ITGB4: variants seen among roughly 807,000 people sequenced by gnomAD.
ITGB4 encodes the protein integrin beta-4.
A neutral mutation model predicts 207.6 loss-of-function variants in ITGB4; 159 were observed. That is an observed-to-expected ratio of 0.77 (90% CI 0.67 to 0.87). The LOEUF (loss-of-function observed/expected upper bound fraction) is 0.87. Ranked by LOEUF, ITGB4 falls within the 40% of genes least tolerant of loss-of-function variation. The pLI is 0.00. For missense variants in ITGB4, 2,278 were observed against 2,546.8 expected (o/e 0.89, Z 2.27); for synonymous variants, 1,020 against 1,062.7 (o/e 0.96, Z 0.78).
rs820175 is a variant in ITGB4 at position 75,735,964 on chromosome 17, T to C, written c.1658-87T>C. 959,696 of 1,264,800 alleles carry C rather than the reference T, an allele frequency of 0.76. 367,655 individuals are homozygous for C. Among genetic ancestry groups the C allele is most frequent in the Non-Finnish European group, 0.79 (687,797 of 871,378 alleles). 78.3% of individuals were successfully genotyped at this position (1,264,800 alleles called of 1,614,324 possible). On this transcript the variant is annotated intron_variant, in intron 13 of 39. Transcript: ENST00000200181. ...CGGCACCCTGGCTCCCACAGCTCTGTTCCCACAGGCCCTCCCTGCCAGGTG... is the reference window on the plus strand; with the variant it reads ...CGGCACCCTGGCTCCCACAGCTCTGCTCCCACAGGCCCTCCCTGCCAGGTG...
At chr17:75,743,608 G>A (rs1359798306) in intron 25 of ITGB4, 105 bp from the exon 26 acceptor site, 2 of 1,500,622 alleles carry the variant, frequency 1.3e-6, no homozygotes, top group Non-Finnish European at 1.9e-6. Flanking sequence ...AGGGAACCAA[G>A]CGGACTCCTG....
chr17:75,727,625 C>T lies in ITGB4; in HGVS notation c.265-26C>T. ...CGGGCCTCCGGAGTGACCCTCTAGC[C>T]AGCTGTCCCCTTCCACTGGCTGCAG... On this transcript the variant is annotated intron_variant, in intron 4 of 39. Coordinates refer to ENST00000200181, the MANE Select transcript of ITGB4 (RefSeq NM_000213.5). The surrounding 1 kb of genome is among the most constrained non-coding windows in gnomAD (Gnocchi z 6.0). 2 of 1,589,370 alleles carry T rather than the reference C, an allele frequency of 1.3e-6. No homozygotes were observed. Among genetic ancestry groups the T allele is most frequent in the Non-Finnish European group, 8.6e-7 (1 of 1,168,078 alleles).
chr17:75,752,400 G>A (rs776962649), intron 31 of ITGB4, 44 bp downstream of exon 31: 3 of 1,612,736 alleles, frequency 1.9e-6, no homozygotes, highest in Admixed American at 1.7e-5. Flanking sequence ...GGGCAGGGGG[G>A]CAGGGGGCAG....
In ITGB4 at chr17:75,729,340, T is replaced by C. The variant is rs773835770; in HGVS notation, c.642T>C (p.Asp214=). 5 of 1,614,058 alleles carry C rather than the reference T, an allele frequency of 3.1e-6. No individual in the cohort carries two copies. The highest frequency in any genetic ancestry group is 1.7e-6 in the Non-Finnish European group (2 of 1,179,990). Residue 214 remains aspartate (D), a synonymous_variant, in exon 7 of 40, where the codon GAT becomes GAC. Coordinates refer to ENST00000200181, the MANE Select transcript of ITGB4 (RefSeq NM_000213.5). This position sits in a 1 kb window ranked among gnomAD's most constrained non-coding sequence, Gnocchi z 4.4. The part of the protein sequence containing the change: ...KNVISLTEDV[D]EFRNKLQGER... ...TCATCAGCCTGACAGAAGATGTGGA[T>C]GAGTTCCGGAATAAACTGCAGGGAG...
At position 75,729,259 on chromosome 17, in the gene ITGB4, G is replaced by A. The variant is rs1226726385; in HGVS notation, c.567-6G>A. The A allele has an allele frequency of 6.2e-7, 1 of 1,613,550 alleles. No homozygotes were observed. Among genetic ancestry groups the A allele is most frequent in the Admixed American group, 1.7e-5 (1 of 59,948 alleles). On this transcript the variant is annotated splice_polypyrimidine_tract_variant and splice_region_variant and intron_variant, in intron 6 of 39. Coordinates refer to ENST00000200181, the MANE Select transcript of ITGB4 (RefSeq NM_000213.5). The surrounding 1 kb of genome is among the most constrained non-coding windows in gnomAD (Gnocchi z 4.4). ...GACACTCTCTCTCCCTCCCACCTCT[G>A]CCCAGGCTGAAGGAGCCCTGGCCCA... is the stretch of plus-strand genomic sequence containing the variant.
In ITGB4 at chr17:75,748,970, G is replaced by A. The variant is rs201802102; in HGVS notation, c.3241G>A (p.Val1081Ile). 87 of 1,613,398 alleles carry A rather than the reference G, an allele frequency of 5.4e-5. No homozygotes were observed. The highest frequency in any genetic ancestry group is 1.2e-4 in the African/African-American group (9 of 75,042). The change falls in exon 27 of 40, where the codon GTC becomes ATC. Residue 1081 changes from valine (V) to isoleucine (I), a missense_variant. Transcript: ENST00000200181. ...LRGRQVRRFHVQLSNPKFGAH... is the reference protein window; with the variant it reads ...LRGRQVRRFHIQLSNPKFGAH... ...GGGCCGCCAGGTCCGCCGTTTCCAC[G>A]TCCAGCTCAGCAACCCTAAGTTTGG...
chr17:75,736,303 C>A lies in ITGB4; in HGVS notation c.1777C>A (p.Arg593Ser). 1.2e-6 allele frequency: 2 copies of A among 1,613,906 alleles called. No individual in the cohort carries two copies. Among genetic ancestry groups the A allele is most frequent in the African/African-American group, 2.7e-5 (2 of 75,050 alleles). Residue 593 changes from arginine to serine, a missense_variant, in exon 15 of 40, where the codon CGT becomes AGT. Transcript: ENST00000200181. ...CCTACCCCAGGGCATCTGTAATGGA[C>A]GTGGCCACTGTGAGTGTGGCCGCTG... ...IDSNGGICNG[R>S]GHCECGRCHC...
chr17:75,749,328 G>A (rs1253149690), intron 27 of ITGB4, among the ~76,000 whole-genome samples: 4 of 152,068 alleles, frequency 2.6e-5, no homozygotes, highest in Non-Finnish European at 5.9e-5. Flanking sequence ...AGGAGTTCTA[G>A]ACCAGCCTGG....
intron 2 of ITGB4, among the ~76,000 whole-genome samples, chr17:75,726,844 C>G (rs189618173): frequency 2.0e-5 from 3 of 152,164 alleles, no homozygotes; most frequent in African/African-American, 7.2e-5. Flanking sequence ...AAGGCCAAGG[C>G]GGGTGGATCA....
rs374564280 is a variant in ITGB4 at position 75,754,687 on chromosome 17, T to C, written c.4430T>C (p.Val1477Ala). 27 of 1,614,104 alleles carry C rather than the reference T, an allele frequency of 1.7e-5. No homozygotes were observed. Among genetic ancestry groups the C allele is most frequent in the East Asian group, 1.1e-4 (5 of 44,874 alleles). ...TATGGCACCCACCTGAGCCCACACGTGCCCCACCGCGTGCTAAGCACATCC... is the reference window on the plus strand; with the variant it reads ...TATGGCACCCACCTGAGCCCACACGCGCCCCACCGCGTGCTAAGCACATCC... Reference protein sequence around the residue: ...AAYGTHLSPHVPHRVLSTSST... With the variant: ...AAYGTHLSPHAPHRVLSTSST... Residue 1477 changes from valine (V) to alanine (A), a missense_variant, in exon 34 of 40, where the codon GTG (valine) becomes GCG (alanine). Transcript: ENST00000200181.
At position 75,755,731 on chromosome 17, in the gene ITGB4, C is replaced by A; in HGVS notation, c.4589C>A (p.Thr1530Lys). Residue 1530 changes from threonine to lysine, a missense_variant, in exon 35 of 40, where the codon ACG becomes AAG. Physicochemically the swap from Thr to Lys is moderately conservative, Grantham distance 78. Coordinates refer to ENST00000200181, the MANE Select transcript of ITGB4 (RefSeq NM_000213.5). ...DSRLTAGVPD[T>K]PTRLVFSALG... ...CGCCTGACTGCTGGTGTGCCCGACACGCCCACCCGCCTGGTGTTCTCTGCC... is the reference window on the plus strand; with the variant it reads ...CGCCTGACTGCTGGTGTGCCCGACAAGCCCACCCGCCTGGTGTTCTCTGCC... 6.2e-7 allele frequency: 1 copy of A among 1,612,900 alleles called. No individual in the cohort carries two copies. The highest frequency in any genetic ancestry group is 8.5e-7 in the Non-Finnish European group (1 of 1,179,922).
In ITGB4 at chr17:75,727,218, G is replaced by A; in HGVS notation, c.103G>A (p.Val35Met). 1 of 1,614,104 alleles carries A rather than the reference G, an allele frequency of 6.2e-7. No individual in the cohort carries two copies. ...TLANRCKKAPVKSCTECVRVD... is the reference protein window; with the variant it reads ...TLANRCKKAPMKSCTECVRVD... ...AGCAAACCGCTGCAAGAAGGCCCCA[G>A]TGAAGAGCTGCACGGAGTGTGTCCG... Residue 35 changes from valine (V) to methionine (M), a missense_variant, in exon 3 of 40, where the codon GTG becomes ATG. Transcript: ENST00000200181. This position sits in a 1 kb window ranked among gnomAD's most constrained non-coding sequence, Gnocchi z 6.0.
In ITGB4 at chr17:75,736,274, C is replaced by T. The variant is rs1259400306; in HGVS notation, c.1762-14C>T. The T allele has an allele frequency of 1.9e-6, 3 of 1,612,642 alleles. No individual in the cohort carries two copies. Among genetic ancestry groups the T allele is most frequent in the East Asian group, 2.2e-5 (1 of 44,866 alleles). On this transcript the variant is annotated splice_polypyrimidine_tract_variant and intron_variant, in intron 14 of 39. Transcript: ENST00000200181. ...GGGGCACAGCTGGCTCACTGGTGCC[C>T]CCTCCTACCCCAGGGCATCTGTAAT... is the stretch of plus-strand genomic sequence containing the variant.
At chr17:75,756,289 T>C in intron 35 of ITGB4, 140 bp from the exon 36 acceptor site, 1 of 840,664 alleles carries the variant, frequency 1.2e-6, no homozygotes, top group African/African-American at 1.7e-5. Flanking sequence ...CATACCATAC[T>C]GTACCCAACC....
intron 1 of ITGB4, 58 bp from the exon 2 acceptor site, chr17:75,724,636 C>A: frequency 7.8e-7 from 1 of 1,277,876 alleles, no homozygotes; most frequent in Non-Finnish European, 1.1e-6. Flanking sequence ...CGAGAGGAAG[C>A]TGACGGCACC....
rs111484297 is a variant in ITGB4, at chr17:75,742,491, T to G, written c.2782+2T>G. ...ACTACACCCTCACTGCAGACCAGGG[T>G]AGGAGGGCGGGTCCGCTGTGCCACT... On this transcript the variant is annotated splice_donor_variant, in intron 24 of 39. Transcript: ENST00000200181. LOFTEE classifies it high-confidence loss of function. This position sits in a 1 kb window ranked among gnomAD's most constrained non-coding sequence, Gnocchi z 5.9. The G allele has an allele frequency of 6.2e-7, 1 of 1,612,824 alleles. No homozygotes were observed. Among genetic ancestry groups the G allele is most frequent in the African/African-American group, 1.3e-5 (1 of 74,902 alleles).
chr17:75,731,886 G>T lies in ITGB4; in HGVS notation c.1290G>T (p.Gln430His). ...ACGTGTGCCAGCTGCCGGAGGACCAGAAGGGCAACATCCATCTGAAACCTT... is the reference window on the plus strand; with the variant it reads ...ACGTGTGCCAGCTGCCGGAGGACCATAAGGGCAACATCCATCTGAAACCTT... ...GTHVCQLPED[Q>H]KGNIHLKPSF... is the part of the protein sequence containing the mutation. Residue 430 changes from glutamine (Q) to histidine (H), a missense_variant, in exon 11 of 40, where the codon CAG becomes CAT. Coordinates refer to ENST00000200181, the MANE Select transcript of ITGB4 (RefSeq NM_000213.5). The surrounding 1 kb of genome is among the most constrained non-coding windows in gnomAD (Gnocchi z 6.8). The T allele has an allele frequency of 6.2e-7, 1 of 1,614,018 alleles. No individual in the cohort carries two copies.
intron 8 of ITGB4, 51 bp from the exon 9 acceptor site, chr17:75,730,824 G>C (rs2060839832): frequency 6.8e-7 from 1 of 1,470,426 alleles, no homozygotes; most frequent in African/African-American, 1.4e-5. Flanking sequence ...TCCTAGAGCT[G>C]TTCAGATTCA....
Position 75,739,668 on chromosome 17 carries a change from C to T in ITGB4, c.2221-4C>T, listed in dbSNP as rs373176387. ...GCCTCACCCTCACCCACCTTGTCTC[C>T]TAGGCCTGCCTGGCACTTCTCCCGT... On this transcript the variant is annotated splice_polypyrimidine_tract_variant and splice_region_variant and intron_variant, in intron 18 of 39. Transcript: ENST00000200181. This position sits in a 1 kb window ranked among gnomAD's most constrained non-coding sequence, Gnocchi z 5.4. The T allele has an allele frequency of 4.8e-5, 77 of 1,614,016 alleles. No homozygotes were observed. Among genetic ancestry groups the T allele is most frequent in the Non-Finnish European group, 6.3e-5 (74 of 1,180,038 alleles).
Sources: allele counts gnomAD v4.1 joint callset (sites outside exome capture counted in the v4.1 genomes callset), GRCh38; gene constraint gnomAD v4.1.1; non-coding constraint Gnocchi (gnomAD v3.1); transcripts MANE v1.5; gene names NCBI Gene and HGNC (gene_info 2026-07-23, HGNC 2026-07-21).